USP42: variants seen among roughly 807,000 people sequenced by gnomAD.
USP42 encodes ubiquitin specific peptidase 42, also known as ubiquitin carboxyl-terminal hydrolase 42.
A neutral mutation model predicts 113.0 loss-of-function variants in USP42; 23 were observed. The observed-to-expected ratio is 0.20, with a 90% CI of 0.15 to 0.29. The LOEUF is 0.29. Ranked by LOEUF, USP42 falls within the 10% of genes least tolerant of loss-of-function variation. The pLI is 1.00. For missense variants in USP42, 2,174 were observed against 1,779.8 expected, an observed-to-expected ratio of 1.22 and a Z score of -3.99; for synonymous variants, 933 against 699.0, an observed-to-expected ratio of 1.33 and a Z score of -5.28.
At chr7:6,095,105 C>CTA in the USP42 span, among the ~76,000 whole-genome samples, 1 of 151,196 alleles carries the variant, frequency 6.6e-6, no homozygotes, top group Non-Finnish European at 1.5e-5. Context: ...GCTTTCTGTG[C>CTA]TACAATAGCT....
chr7:6,155,089 C>G lies in USP42; in HGVS notation c.3535C>G (p.Arg1179Gly), dbSNP rs1164297228. The G allele has an allele frequency of 2.6e-6, 4 of 1,561,110 alleles. No individual in the cohort carries two copies. In the East Asian group the frequency reaches 9.6e-5, roughly 38 times the overall value. The change falls in exon 15 of 18, where the codon CGG becomes GGG. Residue 1179 changes from arginine (R) to glycine (G), a missense_variant. Coordinates refer to ENST00000306177, the MANE Select transcript of USP42 (RefSeq NM_032172.3). Reference protein sequence around the residue: ...NSDSHVEKKARRSEQKDPLEE... With the variant: ...NSDSHVEKKAGRSEQKDPLEE... ...TGACAGTCATGTTGAAAAGAAAGCC[C>G]GGAGGAGCGAACAGAAGGATCCTCT...
chr7:6,114,656 GTATATATATATA>G (rs71008362), intron 2 of USP42, among the ~76,000 whole-genome samples: 2 of 60,592 alleles, frequency 3.3e-5, no homozygotes, highest in African/African-American at 1.6e-4. Context: ...ATGTGTGTGT[GTATATATATATA>G]TATATATATA....
upstream of USP42, among the ~76,000 whole-genome samples, chr7:6,103,356 G>T (rs1289805462): frequency 6.6e-6 from 1 of 150,544 alleles, no homozygotes; most frequent in Non-Finnish European, 1.5e-5. Flanking sequence ...GACCAACATG[G>T]TGAAACTCTG....
At chr7:6,145,002 C>G (rs1443311186) in intron 9 of USP42, among the ~76,000 whole-genome samples, 1 of 152,166 alleles carries the variant, frequency 6.6e-6, no homozygotes, top group East Asian at 1.9e-4. Context: ...CTTAAATACA[C>G]TTAGATTCCG....
At chr7:6,091,987 CTTCTTCT>C in the USP42 span, among the ~76,000 whole-genome samples, 1 of 47,648 alleles carries the variant, frequency 2.1e-5, no homozygotes, top group South Asian at 8.3e-4. Context: ...TTTTCTTCTT[CTTCTTCT>C]TCTTCTTCTT....
At chr7:6,129,839 TG>T (rs1024461777) in intron 3 of USP42, among the ~76,000 whole-genome samples, 7 of 146,728 alleles carry the variant, frequency 4.8e-5, no homozygotes, top group Non-Finnish European at 1.0e-4. Flanking sequence ...CCAGCCTGGG[TG>T]ACAGAGTGAG....
chr7:6,145,498 GT>G lies in USP42; in HGVS notation c.991-15del, dbSNP rs767534508. The G allele has an allele frequency of 1.9e-6, 3 of 1,613,676 alleles. No individual in the cohort carries two copies. The African/African-American group carries it at 4.0e-5, about 22-fold the overall frequency. On this transcript the variant is annotated splice_polypyrimidine_tract_variant and intron_variant, in intron 9 of 17. Coordinates refer to ENST00000306177, the MANE Select transcript of USP42 (RefSeq NM_032172.3). The stretch of plus-strand genomic sequence containing the variant: ...CTGTGCCCTCGGAAATGTTTCTCCT[GT>G]TTCCATTTCCTTCTAGGATGTGAAA...
At chr7:6,102,283 T>A (rs1272894738), upstream of USP42, among the ~76,000 whole-genome samples, 1 of 149,544 alleles carries the variant, frequency 6.7e-6, no homozygotes, top group Non-Finnish European at 1.5e-5. Context: ...CCAACTGATT[T>A]TTGTATTTTT....
rs982767113 is a variant in USP42, at chr7:6,118,662, T to A, written c.442+3139T>A. On this transcript the variant is annotated intron_variant, in intron 3 of 17. Transcript: ENST00000306177. ...GGTCCATTTTGAGTTAATTTTTGTT[T>A]GTGATGTGAAGATGGAGCAAGTTTA... is the stretch of plus-strand genomic sequence containing the variant. Among the ~76,000 whole-genome samples, 11 of 152,206 alleles carry A rather than the reference T, an allele frequency of 7.2e-5. 1 individual carries two copies. The highest frequency in any genetic ancestry group is 1.5e-4 in the Non-Finnish European group (10 of 68,022).
chr7:6,128,619 T>A (rs1780670630), intron 3 of USP42, among the ~76,000 whole-genome samples: 2 of 152,152 alleles, frequency 1.3e-5, no homozygotes, highest in South Asian at 4.1e-4. Flanking sequence ...CTGGGTGTCC[T>A]TCACCCTCAT....
intron 3 of USP42, among the ~76,000 whole-genome samples, chr7:6,121,089 A>G (rs1177845369): frequency 1.3e-5 from 2 of 152,220 alleles, no homozygotes; most frequent in African/African-American, 4.8e-5. Flanking sequence ...ATACGTGAAT[A>G]AAGATAATTT....
rs1159985077 is a variant in USP42, at chr7:6,157,576, T to G, written c.3943+521T>G. On this transcript the variant is annotated intron_variant, in intron 16 of 17. Transcript: ENST00000306177. The surrounding 1 kb of genome is among the most constrained non-coding windows in gnomAD (Gnocchi z 4.1). Reference sequence around the variant, plus strand: ...CCACGCCCGGCTAAATTTTGTGTTTTTAGTAGAGACGGTGTTTCACCGTGT... The same window carrying G: ...CCACGCCCGGCTAAATTTTGTGTTTGTAGTAGAGACGGTGTTTCACCGTGT... Among the ~76,000 whole-genome samples the G allele has an allele frequency of 2.6e-5, 4 of 152,256 alleles. No homozygotes were observed. The highest frequency in any genetic ancestry group is 3.9e-4 in the East Asian group (2 of 5,186).
At chr7:6,114,812 T>G (rs1779824013) in intron 2 of USP42, among the ~76,000 whole-genome samples, 1 of 147,818 alleles carries the variant, frequency 6.8e-6, no homozygotes, top group Non-Finnish European at 1.5e-5. Context: ...TGTCTTAGCC[T>G]CCCTAGTAGC....
chr7:6,150,123 G>C lies in USP42; in HGVS notation c.1927G>C (p.Asp643His). The C allele has an allele frequency of 6.2e-7, 1 of 1,613,126 alleles. No individual in the cohort carries two copies. Among genetic ancestry groups the C allele is most frequent in the Non-Finnish European group, 8.5e-7 (1 of 1,179,454 alleles). ...SSHSPGQDAE[D>H]EEATPHELQE... is the part of the protein sequence containing the mutation. Reference sequence around the variant, plus strand: ...CCACTCTCCCGGCCAAGATGCCGAAGATGAGGAGGCCACTCCGCACGAGCT... The same window carrying C: ...CCACTCTCCCGGCCAAGATGCCGAACATGAGGAGGCCACTCCGCACGAGCT... The change falls in exon 13 of 18, where the codon GAT (aspartate) becomes CAT (histidine). Residue 643 changes from aspartate to histidine, a missense_variant. Transcript: ENST00000306177.
chr7:6,126,118 T>C (rs916690001), intron 3 of USP42, among the ~76,000 whole-genome samples: 23 of 152,212 alleles, frequency 1.5e-4, no homozygotes, highest in African/African-American at 5.5e-4. Flanking sequence ...ATTCTCCATT[T>C]CTATGATTTT....
chr7:6,105,257 G>A (rs1018243731), intron 1 of USP42, among the ~76,000 whole-genome samples: 257 of 145,918 alleles, frequency 1.8e-3, no homozygotes, highest in African/African-American at 5.9e-3. Flanking sequence ...CCGCTGGGGA[G>A]GGGGCGGCGG....
intron 7 of USP42, among the ~76,000 whole-genome samples, chr7:6,142,218 TTTC>T (rs1433886888): frequency 2.1e-5 from 3 of 139,776 alleles, no homozygotes; most frequent in African/African-American, 9.2e-5. Context: ...TTGTTTCTTT[TTTC>T]TTTTTTTTTT....
chr7:6,095,938 A>AT, the USP42 span, among the ~76,000 whole-genome samples: 15 of 148,888 alleles, frequency 1.0e-4, 1 homozygote, highest in African/African-American at 3.6e-4. Flanking sequence ...TTTTTAATTT[A>AT]TTTTTTTGTA....
At chr7:6,127,796 T>G (rs1310433524) in intron 3 of USP42, among the ~76,000 whole-genome samples, 1 of 152,208 alleles carries the variant, frequency 6.6e-6, no homozygotes, top group Non-Finnish European at 1.5e-5. Context: ...ATAAAATATT[T>G]TGCTGGGATT....
Sources: allele counts gnomAD v4.1 joint callset (sites outside exome capture counted in the v4.1 genomes callset), GRCh38; gene constraint gnomAD v4.1.1; non-coding constraint Gnocchi (gnomAD v3.1); transcripts MANE v1.5; gene names NCBI Gene and HGNC (gene_info 2026-07-23, HGNC 2026-07-21).